SLC2A13: variants seen among roughly 807,000 people sequenced by gnomAD.
The protein encoded by SLC2A13 is solute carrier family 2 member 13.
A neutral mutation model predicts 64.4 loss-of-function variants in SLC2A13; 32 were observed. The ratio of observed to expected loss-of-function variants is 0.50; its 90% CI spans 0.37 to 0.67. SLC2A13 has a LOEUF of 0.67. SLC2A13 is among the 30% of genes least tolerant of loss of function. The probability of loss-of-function intolerance (pLI) is 0.00; values close to 1 mark genes in which losing one functional copy is unlikely to be tolerated. For missense variants in SLC2A13, 743 were observed against 829.2 expected, an observed-to-expected ratio of 0.90 and a Z score of 1.28; for synonymous variants, 338 against 327.1, an observed-to-expected ratio of 1.03 and a Z score of -0.36.
intron 7 of SLC2A13, among the ~76,000 whole-genome samples, chr12:39,776,892 C>A (rs907759507): frequency 1.7e-4 from 26 of 152,048 alleles, no homozygotes; most frequent in African/African-American, 5.8e-4. Flanking sequence ...TTAATAAAAC[C>A]CCACAGGTTT....
chr12:39,916,806 T>A (rs2088354), intron 4 of SLC2A13, among the ~76,000 whole-genome samples: 1 of 152,042 alleles, frequency 6.6e-6, no homozygotes, highest in Admixed American at 6.6e-5. Context: ...CATTGTCTTG[T>A]GGAAGGATTA....
intron 7 of SLC2A13, among the ~76,000 whole-genome samples, chr12:39,769,471 T>A (rs2135721193): frequency 6.6e-6 from 1 of 152,204 alleles, no homozygotes; most frequent in South Asian, 2.1e-4. Context: ...CATCAATTTT[T>A]CTCTATCAGC....
chr12:40,011,261 C>T lies in SLC2A13; in HGVS notation c.925+17040G>A, dbSNP rs577514912. Among the ~76,000 whole-genome samples the T allele has an allele frequency of 1.3e-5, 2 of 152,244 alleles. 1 individual carries two copies. The highest frequency in any genetic ancestry group is 4.8e-5 in the African/African-American group (2 of 41,540). On this transcript the variant is annotated intron_variant, in intron 3 of 9. Coordinates refer to ENST00000280871, the MANE Select transcript of SLC2A13 (RefSeq NM_052885.4). Reference sequence around the variant, plus strand: ...CTGTGTATTTGTAGCATTAAACATCCTACTACCCACTAGATGTCAACATCA... The same window carrying T: ...CTGTGTATTTGTAGCATTAAACATCTTACTACCCACTAGATGTCAACATCA...
chr12:39,970,597 A>G (rs928011903), intron 3 of SLC2A13, among the ~76,000 whole-genome samples: 1 of 152,124 alleles, frequency 6.6e-6, no homozygotes, highest in African/African-American at 2.4e-5. Context: ...CCAAGATTTT[A>G]CCCCAAGTCC....
At chr12:39,978,498 T>C (rs986746525) in intron 3 of SLC2A13, among the ~76,000 whole-genome samples, 14 of 152,114 alleles carry the variant, frequency 9.2e-5, no homozygotes, top group African/African-American at 3.1e-4. Context: ...GGGCGAGGCA[T>C]TGCCTCACCT....
At chr12:39,920,279 C>T (rs73092225) in intron 4 of SLC2A13, among the ~76,000 whole-genome samples, 1,923 of 152,186 alleles carry the variant, frequency 0.013, 57 homozygotes, top group African/African-American at 0.041. Context: ...TAAGAGACTG[C>T]GAATTTCCAA....
At chr12:39,918,149 C>T (rs1426689339) in intron 4 of SLC2A13, among the ~76,000 whole-genome samples, 3 of 152,014 alleles carry the variant, frequency 2.0e-5, no homozygotes, top group Non-Finnish European at 4.4e-5. Flanking sequence ...GGCATTCTTC[C>T]CAAATTATGA....
chr12:40,006,467 T>C (rs972623364), intron 3 of SLC2A13, among the ~76,000 whole-genome samples: 2 of 152,196 alleles, frequency 1.3e-5, no homozygotes, highest in East Asian at 1.9e-4. Flanking sequence ...TGTAAAGCAT[T>C]TGCCACCATA....
chr12:40,014,759 C>T (rs1947594312), intron 3 of SLC2A13, among the ~76,000 whole-genome samples: 1 of 152,184 alleles, frequency 6.6e-6, no homozygotes, highest in South Asian at 2.1e-4. Flanking sequence ...TGCCGAAGTA[C>T]TGGGATTACA....
intron 4 of SLC2A13, among the ~76,000 whole-genome samples, chr12:39,944,122 GTTAT>G (rs1946093719): frequency 6.6e-6 from 1 of 152,194 alleles, no homozygotes; most frequent in South Asian, 2.1e-4. Context: ...TCAGGAGCAG[GTTAT>G]TTAATTTCCA....
intron 3 of SLC2A13, among the ~76,000 whole-genome samples, chr12:40,026,105 A>G (rs1947800414): frequency 6.6e-6 from 1 of 152,240 alleles, no homozygotes; most frequent in African/African-American, 2.4e-5. Context: ...GTCTGAATGC[A>G]TTCATGCAAT....
intron 3 of SLC2A13, among the ~76,000 whole-genome samples, chr12:39,954,188 T>C (rs1268175809): frequency 3.3e-5 from 5 of 152,136 alleles, no homozygotes; most frequent in East Asian, 3.9e-4. Context: ...ACCCTGTAAC[T>C]GTCCCCAGCT....
intron 3 of SLC2A13, among the ~76,000 whole-genome samples, chr12:39,957,923 A>C (rs1222804198): frequency 6.6e-6 from 1 of 152,138 alleles, no homozygotes; most frequent in African/African-American, 2.4e-5. Flanking sequence ...CACCAAAACA[A>C]AACAAGCTAT....
At chr12:39,997,621 G>T (rs1412458987) in intron 3 of SLC2A13, among the ~76,000 whole-genome samples, 1 of 152,172 alleles carries the variant, frequency 6.6e-6, no homozygotes, top group Non-Finnish European at 1.5e-5. Context: ...ACGAGGTCAA[G>T]AGATCGAGAC....
intron 1 of SLC2A13, among the ~76,000 whole-genome samples, chr12:40,076,724 C>T (rs1176513764): frequency 6.6e-6 from 1 of 152,174 alleles, no homozygotes; most frequent in Non-Finnish European, 1.5e-5. Context: ...GAAATCACCA[C>T]AATGCTTTCC....
intron 2 of SLC2A13, among the ~76,000 whole-genome samples, chr12:40,031,934 T>C (rs1257193572): frequency 6.6e-6 from 1 of 152,164 alleles, no homozygotes; most frequent in Non-Finnish European, 1.5e-5. Context: ...TGACAGAGTA[T>C]TGTGATACAC....
At chr12:39,824,075 A>G (rs1942599147) in intron 7 of SLC2A13, among the ~76,000 whole-genome samples, 1 of 152,234 alleles carries the variant, frequency 6.6e-6, no homozygotes, top group Admixed American at 6.5e-5. Flanking sequence ...CTTGATGTAT[A>G]TAAAACACCA....
intron 7 of SLC2A13, among the ~76,000 whole-genome samples, chr12:39,775,019 T>C (rs893620589): frequency 6.6e-6 from 1 of 152,188 alleles, no homozygotes; most frequent in African/African-American, 2.4e-5. Context: ...CATTAGAATA[T>C]TCATCCCCTC....
chr12:40,082,224 T>A (rs1046619255), intron 1 of SLC2A13, among the ~76,000 whole-genome samples: 1 of 152,204 alleles, frequency 6.6e-6, no homozygotes, highest in Non-Finnish European at 1.5e-5. Flanking sequence ...TGAGCAATCC[T>A]GTGACTCAAC....
Sources: gnomAD v4.1 joint callset for allele counts (sites outside exome capture counted in the v4.1 genomes callset) on GRCh38, gnomAD v4.1.1 for gene constraint, MANE v1.5 for transcripts, NCBI Gene and HGNC (gene_info 2026-07-23, HGNC 2026-07-21) for gene names.